MYOM1: variants seen among roughly 807,000 people sequenced by gnomAD.
MYOM1 encodes the protein myomesin 1.
Under a neutral mutation model 205.3 loss-of-function variants are expected in MYOM1, and 164 were observed. The ratio of observed to expected loss-of-function variants is 0.80; its 90% CI spans 0.70 to 0.91. The LOEUF (loss-of-function observed/expected upper bound fraction) is 0.91, where lower values mean the gene tolerates loss of function less well. MYOM1 is among the 40% of genes least tolerant of loss of function. The probability of loss-of-function intolerance (pLI) is 0.00; values close to 1 mark genes in which losing one functional copy is unlikely to be tolerated. For synonymous variants in MYOM1, 772 were observed against 789.4 expected (o/e 0.98, Z 0.37); for missense variants, 2,011 against 2,127.3 (o/e 0.95, Z 1.08).
chr18:3,075,854 C>T lies in MYOM1; in HGVS notation c.4649-93G>A, dbSNP rs1042577441. 1.6e-5 allele frequency: 19 copies of T among 1,163,302 alleles called. No homozygotes were observed. In the Admixed American group the frequency reaches 2.4e-4, roughly 15 times the overall value. The allele number at this position is 1,163,302 out of a possible 1,614,324, so 72.1% of individuals were successfully genotyped here. On this transcript the variant is annotated intron_variant, in intron 34 of 37. Transcript: ENST00000356443. ...ATTCACAACTGGAGATTGCTGTGAT[C>T]GGTCCAGACATGACTAAACCGACTT...
chr18:3,079,095 A>C, intron 34 of MYOM1, 84 bp downstream of exon 34: 1 of 1,446,448 alleles, frequency 6.9e-7, no homozygotes, highest in Admixed American at 2.0e-5. Context: ...TTACAGGCAT[A>C]AGCCACCATG....
chr18:3,090,053 T>G (rs2143707646), intron 27 of MYOM1, among the ~76,000 whole-genome samples: 1 of 152,338 alleles, frequency 6.6e-6, no homozygotes, highest in Middle Eastern at 3.4e-3. Context: ...TTTGTTGTAT[T>G]GCAATCTCCC....
chr18:3,131,406 A>G lies in MYOM1; in HGVS notation c.2475T>C (p.Asp825=), dbSNP rs1453536567. The change falls in exon 17 of 38, where the codon GAT becomes GAC. Residue 825 remains aspartate (D), a synonymous_variant. Coordinates refer to ENST00000356443, the MANE Select transcript of MYOM1 (RefSeq NM_003803.4). ...NAAGLSEYSQ[D]SEAIEVKAAI... is the part of the protein sequence containing the mutation. The stretch of plus-strand genomic sequence containing the variant: ...CAGCTTTGACTTCAATAGCTTCTGA[A>G]TCCTGGGAATATTCACTAAGTCCAG... The G allele has an allele frequency of 6.2e-7, 1 of 1,613,800 alleles. No homozygotes were observed. Among genetic ancestry groups the G allele is most frequent in the Non-Finnish European group, 8.5e-7 (1 of 1,179,842 alleles).
chr18:3,247,185 A>C, the MYOM1 span: 1 of 152,316 alleles, frequency 6.6e-6, no homozygotes, highest in Non-Finnish European at 1.5e-5. Flanking sequence ...GTCTGGGCCA[A>C]AAAGATAGTG....
chr18:3,166,517 C>A (rs2144058222), intron 9 of MYOM1, among the ~76,000 whole-genome samples: 1 of 151,996 alleles, frequency 6.6e-6, no homozygotes, highest in South Asian at 2.1e-4. Context: ...AACTCCAGAC[C>A]TCAAGTGATC....
chr18:3,204,313 C>A (rs1037877137), intron 2 of MYOM1, among the ~76,000 whole-genome samples: 1 of 151,788 alleles, frequency 6.6e-6, no homozygotes, highest in Non-Finnish European at 1.5e-5. Context: ...TGATATAATC[C>A]TATGTGTAGA....
chr18:3,159,175 G>A (rs923007356), intron 10 of MYOM1, among the ~76,000 whole-genome samples: 3 of 152,050 alleles, frequency 2.0e-5, no homozygotes, highest in Non-Finnish European at 4.4e-5. Context: ...GCAGACTTAC[G>A]GATGGCTTTA....
At chr18:3,208,270 G>GTA (rs2081150248) in intron 2 of MYOM1, among the ~76,000 whole-genome samples, 1 of 152,228 alleles carries the variant, frequency 6.6e-6, no homozygotes, top group Admixed American at 6.5e-5. Context: ...AGCACTTTGG[G>GTA]ATGCCAAGGT....
intron 8 of MYOM1, among the ~76,000 whole-genome samples, chr18:3,171,746 T>G (rs1312484011): frequency 6.6e-6 from 1 of 152,154 alleles, no homozygotes; most frequent in Non-Finnish European, 1.5e-5. Context: ...CACAGGAAAT[T>G]TAAATTTCAA....
At chr18:3,243,970 T>C in the MYOM1 span, among the ~76,000 whole-genome samples, 14 of 152,196 alleles carry the variant, frequency 9.2e-5, no homozygotes, top group Admixed American at 9.2e-4. Context: ...GATAGTGACC[T>C]TGTAGAAATT....
At chr18:3,210,290 G>A (rs576567611) in intron 2 of MYOM1, among the ~76,000 whole-genome samples, 1 of 152,188 alleles carries the variant, frequency 6.6e-6, no homozygotes. Flanking sequence ...GGTATCTTTT[G>A]TCTGAATTAT....
At position 3,067,394 on chromosome 18, in the gene MYOM1, G is replaced by A. The variant is rs1021461137; in HGVS notation, c.4926C>T (p.Gly1642=). ...TINGVSTADS[G]KYGLVVKNKY... ...TGTTCTTCACAACCAGCCCGTATTT[G>A]CCCGAGTCAGCGGTGCTCACGCCGT... is the stretch of plus-strand genomic sequence containing the variant. Residue 1642 remains glycine, a synonymous_variant, in exon 38 of 38, where the codon GGC becomes GGT. Coordinates refer to ENST00000356443, the MANE Select transcript of MYOM1 (RefSeq NM_003803.4). 2 of 1,613,228 alleles carry A rather than the reference G, an allele frequency of 1.2e-6. No individual in the cohort carries two copies. Among genetic ancestry groups the A allele is most frequent in the African/African-American group, 2.7e-5 (2 of 74,918 alleles).
At chr18:3,241,861 G>A in the MYOM1 span, among the ~76,000 whole-genome samples, 102 of 152,340 alleles carry the variant, frequency 6.7e-4, 3 homozygotes, top group East Asian at 0.019. Context: ...TGACCTGGAT[G>A]TGAGACATGG....
Position 3,174,220 on chromosome 18 carries a change from G to A in MYOM1, c.1023-12C>T. 6.2e-7 allele frequency: 1 copy of A among 1,607,570 alleles called. No individual in the cohort carries two copies. The highest frequency in any genetic ancestry group is 8.5e-7 in the Non-Finnish European group (1 of 1,175,258). On this transcript the variant is annotated splice_polypyrimidine_tract_variant and intron_variant, in intron 6 of 37. Coordinates refer to ENST00000356443, the MANE Select transcript of MYOM1 (RefSeq NM_003803.4). ...CTTCAAAATCACATCTGAAAGAACA[G>A]ACGGAAATGAATATCCATCGTAGTG...
intron 27 of MYOM1, among the ~76,000 whole-genome samples, chr18:3,090,098 T>A (rs1428917802): frequency 5.3e-5 from 8 of 152,244 alleles, no homozygotes; most frequent in African/African-American, 1.7e-4. Flanking sequence ...CATTTGTTTA[T>A]ATATGAAAGT....
Position 3,083,852 on chromosome 18 carries a change from C to A in MYOM1, c.4421G>T (p.Gly1474Val). 6.3e-7 allele frequency: 1 copy of A among 1,584,140 alleles called. No homozygotes were observed. The highest frequency in any genetic ancestry group is 1.2e-5 in the South Asian group (1 of 86,730). The change falls in exon 33 of 38, where the codon GGC becomes GTC. Residue 1474 changes from glycine (G) to valine (V), a missense_variant. Physicochemically the swap from Gly to Val is moderately radical, Grantham distance 109. Transcript: ENST00000356443. ...TDLKIQSTAE[G>V]IQLYSFVTYY... is the part of the protein sequence containing the mutation. ...AGTTACAAAAGAGTACAGTTGGATG[C>A]CCTCGGCTGTGCTCTGGATTTTCAG...
At position 3,174,163 on chromosome 18, in the gene MYOM1, A is replaced by T; in HGVS notation, c.1068T>A (p.Asn356Lys). Residue 356 changes from asparagine to lysine, a missense_variant, in exon 7 of 38, where the codon AAT becomes AAA. Physicochemically the swap from Asn to Lys is moderately conservative, Grantham distance 94. Coordinates refer to ENST00000356443, the MANE Select transcript of MYOM1 (RefSeq NM_003803.4). ...DTAQYRASAMNVKGELSAYAS... is the reference protein window; with the variant it reads ...DTAQYRASAMKVKGELSAYAS... ...CATATGCCGAAAGCTCTCCTTTAAC[A>T]TTCATCGCCGAGGCCCGGTACTGAG... 6.2e-7 allele frequency: 1 copy of T among 1,614,036 alleles called. No individual in the cohort carries two copies. The highest frequency in any genetic ancestry group is 8.5e-7 in the Non-Finnish European group (1 of 1,179,894).
chr18:3,193,422 T>A (rs2080947689), intron 3 of MYOM1, among the ~76,000 whole-genome samples: 1 of 149,498 alleles, frequency 6.7e-6, no homozygotes, highest in South Asian at 2.1e-4. Context: ...TTTTTGAAGC[T>A]TTCTTTTTAC....
intron 21 of MYOM1, among the ~76,000 whole-genome samples, chr18:3,114,428 A>G (rs1598685527): frequency 6.8e-6 from 1 of 147,924 alleles, no homozygotes; most frequent in Non-Finnish European, 1.5e-5. Context: ...CCCGGGCTGG[A>G]GTGCAGTGGT....
Sources: gnomAD v4.1 joint callset for allele counts (sites outside exome capture counted in the v4.1 genomes callset) on GRCh38, gnomAD v4.1.1 for gene constraint, MANE v1.5 for transcripts, NCBI Gene and HGNC (gene_info 2026-07-23, HGNC 2026-07-21) for gene names.